The following CUBN variants were observed in gnomAD, a reference collection of about 807,000 sequenced individuals.
CUBN encodes 460 kDa receptor.
Under a neutral mutation model 405.3 loss-of-function variants are expected in CUBN, and 282 were observed. The ratio of observed to expected loss-of-function variants is 0.70; its 90% CI spans 0.63 to 0.77. The LOEUF is 0.77. CUBN is among the 30% of genes least tolerant of loss of function. CUBN has a pLI of 0.00. For missense variants in CUBN, 4,514 were observed against 4,475.2 expected, an observed-to-expected ratio of 1.01 and a Z score of -0.25; for synonymous variants, 1,684 against 1,617.0, an observed-to-expected ratio of 1.04 and a Z score of -0.99.
At chr10:17,018,568 T>C (rs879019912) in intron 28 of CUBN, among the ~76,000 whole-genome samples, 3 of 152,034 alleles carry the variant, frequency 2.0e-5, no homozygotes, top group African/African-American at 2.4e-5. Context: ...GCAAGATTCA[T>C]TGTGAAGAGT....
chr10:17,116,840 G>C (rs926459243), intron 6 of CUBN, among the ~76,000 whole-genome samples: 3 of 152,120 alleles, frequency 2.0e-5, no homozygotes, highest in Admixed American at 6.5e-5. Flanking sequence ...TGGAGAATAA[G>C]AATGCAGGGA....
intron 17 of CUBN, among the ~76,000 whole-genome samples, chr10:17,073,785 T>C (rs1196138435): frequency 1.3e-5 from 2 of 152,104 alleles, no homozygotes. Context: ...ATGAATACAG[T>C]CTATGGACTT....
In CUBN at chr10:17,123,627, C is replaced by A. The variant is rs773948355; in HGVS notation, c.450G>T (p.Leu150=). 6.2e-7 allele frequency: 1 copy of A among 1,613,984 alleles called. No individual in the cohort carries two copies. Residue 150 remains leucine, a synonymous_variant, in exon 5 of 67, where the codon CTG becomes CTT. Coordinates refer to ENST00000377833, the MANE Select transcript of CUBN (RefSeq NM_001081.4). ...PCQNGGTCLN[L]HDSFFCICPP... is the part of the protein sequence containing the mutation. The stretch of plus-strand genomic sequence containing the variant: ...GACAGATACAAAAAAAGGAATCATG[C>A]AGATTGAGGCAGGTTCCACCATTCT...
At position 17,096,066 on chromosome 10, in the gene CUBN, T is replaced by C. The variant is rs1588639147; in HGVS notation, c.1765+3939A>G. Reference sequence around the variant, plus strand: ...CAAACACTGCATGCTCTCGCTTATATGTGAAATCTAAAAAAAGTTAAACTC... The same window carrying C: ...CAAACACTGCATGCTCTCGCTTATACGTGAAATCTAAAAAAAGTTAAACTC... On this transcript the variant is annotated intron_variant, in intron 14 of 66. Coordinates refer to ENST00000377833, the MANE Select transcript of CUBN (RefSeq NM_001081.4). Among the ~76,000 whole-genome samples the C allele has an allele frequency of 2.6e-5, 4 of 152,134 alleles. No homozygotes were observed. The East Asian group carries it at 5.8e-4, about 22-fold the overall frequency.
chr10:17,127,212 T>TTCTCTCTCTCTCTCTGTC (rs1588661604), intron 3 of CUBN, among the ~76,000 whole-genome samples: 1 of 109,628 alleles, frequency 9.1e-6, no homozygotes, highest in East Asian at 2.1e-4. Context: ...CTGTCTTTCT[T>TTCTCTCTCTCTCTCTGTC]TCTCTCTCTC....
chr10:17,107,563 T>G (rs996366269), intron 10 of CUBN, among the ~76,000 whole-genome samples: 4 of 150,354 alleles, frequency 2.7e-5, no homozygotes, highest in Non-Finnish European at 4.4e-5. Context: ...AGTGGTGCGA[T>G]CTCAGCTCAC....
intron 48 of CUBN, 28 bp from the exon 49 acceptor site, chr10:16,907,707 G>T: frequency 6.2e-7 from 1 of 1,608,912 alleles, no homozygotes; most frequent in East Asian, 2.2e-5. Flanking sequence ...TAACCTTCAG[G>T]CACACAATCC....
chr10:16,924,084 G>T (rs1842115325), intron 43 of CUBN, among the ~76,000 whole-genome samples: 1 of 150,114 alleles, frequency 6.7e-6, no homozygotes, highest in African/African-American at 2.5e-5. Context: ...AGAAAAAAAA[G>T]ACTGAGTCTA....
chr10:17,014,459 C>A (rs899881770), intron 28 of CUBN, among the ~76,000 whole-genome samples: 5 of 152,068 alleles, frequency 3.3e-5, no homozygotes, highest in African/African-American at 1.2e-4. Context: ...TCTGGGGATC[C>A]ACAGTCAGCA....
intron 31 of CUBN, among the ~76,000 whole-genome samples, chr10:16,970,084 G>T (rs1295210709): frequency 1.3e-5 from 2 of 152,108 alleles, no homozygotes; most frequent in African/African-American, 4.8e-5. Flanking sequence ...CATGAAGAGG[G>T]TGAGGGGTGG....
At chr10:16,880,331 C>T (rs1350786173) in intron 56 of CUBN, among the ~76,000 whole-genome samples, 1 of 152,098 alleles carries the variant, frequency 6.6e-6, no homozygotes, top group Non-Finnish European at 1.5e-5. Context: ...GGCATCAGAC[C>T]CAATCCAGGC....
At chr10:17,113,423 T>A (rs991093362) in intron 8 of CUBN, among the ~76,000 whole-genome samples, 1 of 17,542 alleles carries the variant, frequency 5.7e-5, no homozygotes, top group Non-Finnish European at 1.5e-4. Flanking sequence ...GTAGGCATCC[T>A]ACAAAAAAAA....
intron 31 of CUBN, among the ~76,000 whole-genome samples, chr10:16,956,336 T>A (rs1437485018): frequency 6.6e-6 from 1 of 151,900 alleles, no homozygotes; most frequent in Non-Finnish European, 1.5e-5. Flanking sequence ...AATATATATA[T>A]ATATATCTCC....
chr10:16,901,573 G>T (rs916759721), intron 51 of CUBN, 114 bp from the exon 52 acceptor site: 1 of 1,385,024 alleles, frequency 7.2e-7, no homozygotes, highest in South Asian at 1.2e-5. Flanking sequence ...ACATAGTAAG[G>T]CCAGGCATGG....
intron 40 of CUBN, among the ~76,000 whole-genome samples, chr10:16,930,270 AC>A (rs1842324297): frequency 6.6e-6 from 1 of 152,186 alleles, no homozygotes; most frequent in Non-Finnish European, 1.5e-5. Flanking sequence ...ATTAGTATAT[AC>A]CCCTTTAAGT....
rs111165377 is a variant in CUBN, at chr10:16,852,129, C to T, written c.9455-686G>A. ...CCTCCCTCCCTCCATCTTTCCCTCC[C>T]TCCATCTTTCCCTCCCTCACTCTAT... On this transcript the variant is annotated intron_variant, in intron 59 of 66. Coordinates refer to ENST00000377833, the MANE Select transcript of CUBN (RefSeq NM_001081.4). Among the ~76,000 whole-genome samples, 1,173 of 131,390 alleles carry T rather than the reference C, an allele frequency of 8.9e-3. 30 individuals are homozygous for T. The highest frequency in any genetic ancestry group is 0.035 in the African/African-American group (1,092 of 31,220). The allele number at this position is 131,390 out of a possible 152,430, so 86.2% of individuals were successfully genotyped here.
At chr10:17,058,076 C>A (rs996130958) in intron 22 of CUBN, among the ~76,000 whole-genome samples, 1 of 151,840 alleles carries the variant, frequency 6.6e-6, no homozygotes, top group African/African-American at 2.4e-5. Flanking sequence ...GAGCTGAGAT[C>A]GCGCCACTGC....
chr10:17,076,673 G>C (rs1164025774), intron 17 of CUBN, among the ~76,000 whole-genome samples: 1 of 152,096 alleles, frequency 6.6e-6, no homozygotes, highest in Admixed American at 6.5e-5. Flanking sequence ...TTAGCCATAG[G>C]ACTTGCTTTG....
chr10:17,019,860 C>T lies in CUBN; in HGVS notation c.4141G>A (p.Gly1381Arg). The T allele has an allele frequency of 6.2e-7, 1 of 1,614,132 alleles. No individual in the cohort carries two copies. Among genetic ancestry groups the T allele is most frequent in the Non-Finnish European group, 8.5e-7 (1 of 1,180,000 alleles). Residue 1381 changes from glycine (G) to arginine (R), a missense_variant, in exon 28 of 67, where the codon GGA (glycine) becomes AGA (arginine). Gly to Arg is a moderately radical substitution (Grantham distance 125, BLOSUM62 -2). Coordinates refer to ENST00000377833, the MANE Select transcript of CUBN (RefSeq NM_001081.4). Reference protein sequence around the residue: ...LTDGVGRREKGFQMQWFVYGC... With the variant: ...LTDGVGRREKRFQMQWFVYGC... The stretch of plus-strand genomic sequence containing the variant: ...TAAACAAACCACTGCATCTGAAATC[C>T]TTTCTCACGGCGGCCAACCCCATCT...
Sources: gnomAD v4.1 joint callset for allele counts (sites outside exome capture counted in the v4.1 genomes callset) on GRCh38, gnomAD v4.1.1 for gene constraint, MANE v1.5 for transcripts, NCBI Gene and HGNC (gene_info 2026-07-23, HGNC 2026-07-21) for gene names.